Variants in XPNPEP1 observed in about 807,000 individuals in gnomAD.
XPNPEP1 encodes the protein X-prolyl aminopeptidase 1, also known as xaa-Pro aminopeptidase 1.
A neutral mutation model predicts 92.4 loss-of-function variants in XPNPEP1; 39 were observed. That is an observed-to-expected ratio of 0.42 (90% CI 0.33 to 0.55). The LOEUF is 0.55. Ranked by LOEUF, XPNPEP1 falls within the 20% of genes least tolerant of loss-of-function variation. XPNPEP1 has a pLI of 0.08. For synonymous variants in XPNPEP1, 307 were observed against 299.4 expected, an observed-to-expected ratio of 1.03 and a Z score of -0.26; for missense variants, 654 against 856.1, an observed-to-expected ratio of 0.76 and a Z score of 2.95.
intron 13 of XPNPEP1, 48 bp from the exon 14 acceptor site, chr10:109,877,915 G>A (rs1847872898): frequency 6.2e-7 from 1 of 1,614,088 alleles, no homozygotes; most frequent in African/African-American, 1.3e-5. Flanking sequence ...TTTTTACTGT[G>A]CTAAGATTCA....
chr10:109,904,012 T>C (rs1025529706), intron 3 of XPNPEP1, among the ~76,000 whole-genome samples: 1 of 150,988 alleles, frequency 6.6e-6, no homozygotes, highest in African/African-American at 2.4e-5. Flanking sequence ...GCCCAGCTAA[T>C]TTTTGTATTT....
intron 11 of XPNPEP1, among the ~76,000 whole-genome samples, chr10:109,880,618 T>C (rs1033804236): frequency 6.6e-6 from 1 of 152,230 alleles, no homozygotes; most frequent in Non-Finnish European, 1.5e-5. Flanking sequence ...TCATCTACAC[T>C]GTGAACATCA....
chr10:109,920,803 C>T (rs1408712159), intron 1 of XPNPEP1, among the ~76,000 whole-genome samples: 1 of 152,148 alleles, frequency 6.6e-6, no homozygotes, highest in Non-Finnish European at 1.5e-5. Flanking sequence ...ACCTCAGCCT[C>T]CCAAAGTGCT....
chr10:109,898,882 G>A (rs1157524097), intron 3 of XPNPEP1, among the ~76,000 whole-genome samples: 1 of 152,200 alleles, frequency 6.6e-6, no homozygotes, highest in Non-Finnish European at 1.5e-5. Context: ...ACAGCTGACT[G>A]CCAAGATAAG....
Position 109,865,108 on chromosome 10 carries a change from GA to G in XPNPEP1, c.*75del. 6.3e-7 allele frequency: 1 copy of G among 1,593,412 alleles called. No individual in the cohort carries two copies. The highest frequency in any genetic ancestry group is 8.6e-7 in the Non-Finnish European group (1 of 1,165,516). Reference sequence around the variant, plus strand: ...GGTAGGGAAGAAGGAAAGGAAAGGGGAAAGATGTCAGGGATCTGCCACGTTT... The same window carrying G: ...GGTAGGGAAGAAGGAAAGGAAAGGGGAAGATGTCAGGGATCTGCCACGTTT... On this transcript the variant is annotated 3_prime_UTR_variant, in exon 21 of 21. Coordinates refer to ENST00000502935, the MANE Select transcript of XPNPEP1 (RefSeq NM_020383.4).
chr10:109,895,291 C>T (rs910367622), intron 3 of XPNPEP1, among the ~76,000 whole-genome samples: 6 of 152,156 alleles, frequency 3.9e-5, no homozygotes, highest in African/African-American at 9.7e-5. Context: ...GGTCTGAGCC[C>T]GGCTGGACTC....
chr10:109,923,046 G>A (rs1424553122), intron 1 of XPNPEP1, among the ~76,000 whole-genome samples: 1 of 152,176 alleles, frequency 6.6e-6, no homozygotes, highest in Non-Finnish European at 1.5e-5. Flanking sequence ...CACCTCCCCG[G>A]ACACGAAGAG....
rs537036511 is a variant in XPNPEP1, at chr10:109,878,124, G to A, written c.1183-66C>T. 5.4e-5 allele frequency: 86 copies of A among 1,583,110 alleles called. No homozygotes were observed. In the African/African-American group the frequency reaches 1.0e-3, roughly 19 times the overall value. On this transcript the variant is annotated intron_variant, in intron 12 of 20. Transcript: ENST00000502935. ...TCATGTGTGCCTCTTACAAATTAGA[G>A]GAGGTACATTAAAAGCTCACTTTTT...
chr10:109,882,044 T>C (rs563797304), intron 10 of XPNPEP1, among the ~76,000 whole-genome samples: 81 of 152,242 alleles, frequency 5.3e-4, no homozygotes, highest in Non-Finnish European at 9.0e-4. Context: ...GCTGTACCCT[T>C]ATTCACTTAG....
At position 109,870,738 on chromosome 10, in the gene XPNPEP1, G is replaced by A. The variant is rs367876600; in HGVS notation, c.1689C>T (p.Val563=). The change falls in exon 18 of 21, where the codon GTC becomes GTT. Residue 563 remains valine (V), a synonymous_variant. Transcript: ENST00000502935. ...TATGTGAGGGACACTTACCATCAGTGACAATCATGCCTGCCTCCAAGGGCT... is the reference window on the plus strand; with the variant it reads ...TATGTGAGGGACACTTACCATCAGTAACAATCATGCCTGCCTCCAAGGGCT... ...SDEPLEAGMI[V]TDEPGYYEDG... 1.1e-5 allele frequency: 17 copies of A among 1,614,030 alleles called. No individual in the cohort carries two copies. In the African/African-American group the frequency reaches 1.2e-4, roughly 11 times the overall value.
At chr10:109,880,712 TG>T in intron 11 of XPNPEP1, 129 bp downstream of exon 11, 1 of 792,914 alleles carries the variant, frequency 1.3e-6, no homozygotes. Flanking sequence ...TAACTCCTCC[TG>T]GAAGGCCAGG....
Position 109,891,838 on chromosome 10 carries a change from G to GA in XPNPEP1, c.311-13dup. 1 of 1,606,216 alleles carries GA rather than the reference G, an allele frequency of 6.2e-7. No homozygotes were observed. The highest frequency in any genetic ancestry group is 1.7e-5 in the Admixed American group (1 of 58,374). Reference sequence around the variant, plus strand: ...GATGATGGCTGTGCCTGAAGCAGGGGAGAAAAAAAAAAGAAGAAGAAAGGT... The same window carrying GA: ...GATGATGGCTGTGCCTGAAGCAGGGGAAGAAAAAAAAAAGAAGAAGAAAGGT... On this transcript the variant is annotated splice_polypyrimidine_tract_variant and intron_variant, in intron 4 of 20. Coordinates refer to ENST00000502935, the MANE Select transcript of XPNPEP1 (RefSeq NM_020383.4).
intron 17 of XPNPEP1, 69 bp from the exon 18 acceptor site, chr10:109,870,973 G>C (rs612155): frequency 0.56 from 861,016 of 1,524,778 alleles, 250,990 homozygotes; most frequent in Non-Finnish European, 0.61. Flanking sequence ...ATTATGTGTG[G>C]CTCCAGAACG....
chr10:109,888,068 T>A lies in XPNPEP1; in HGVS notation c.633A>T (p.Thr211=). The A allele has an allele frequency of 6.2e-7, 1 of 1,614,050 alleles. No individual in the cohort carries two copies. The highest frequency in any genetic ancestry group is 8.5e-7 in the Non-Finnish European group (1 of 1,180,024). ...TCTGACCTGTGTAATCCAGGCCCAGTGTGAGGAGAGGCTTGCAAGGGCGCT... is the reference window on the plus strand; with the variant it reads ...TCTGACCTGTGTAATCCAGGCCCAGAGTGAGGAGAGGCTTGCAAGGGCGCT... ...RPERPCKPLL[T]LGLDYTGISW... Residue 211 remains threonine (T), a synonymous_variant, in exon 7 of 21, where the codon ACA becomes ACT. Coordinates refer to ENST00000502935, the MANE Select transcript of XPNPEP1 (RefSeq NM_020383.4).
At position 109,917,895 on chromosome 10, in the gene XPNPEP1, G is replaced by A. The variant is rs202082070; in HGVS notation, c.33-2796C>T. Reference sequence around the variant, plus strand: ...TTCCACAAATGGTGCTGGGACAAGTGAATATCCACATGCAAAAGAATAAAG... The same window carrying A: ...TTCCACAAATGGTGCTGGGACAAGTAAATATCCACATGCAAAAGAATAAAG... On this transcript the variant is annotated intron_variant, in intron 1 of 20. Coordinates refer to ENST00000502935, the MANE Select transcript of XPNPEP1 (RefSeq NM_020383.4). Among the ~76,000 whole-genome samples the A allele has an allele frequency of 8.5e-5, 13 of 152,256 alleles. No individual in the cohort carries two copies. The East Asian group carries it at 2.5e-3, about 29-fold the overall frequency.
At chr10:109,923,241 C>G (rs757850475) in intron 1 of XPNPEP1, 161 bp downstream of exon 1, 18 of 985,354 alleles carry the variant, frequency 1.8e-5, no homozygotes, top group Non-Finnish European at 2.2e-5. Context: ...ACCCCTTCCC[C>G]CGGCTCCTGT....
Position 109,891,814 on chromosome 10 carries a change from ATG to A in XPNPEP1, c.321_322del (p.Ile108HisfsTer10). On this transcript the variant is annotated frameshift_variant, in exon 5 of 21. Transcript: ENST00000502935. LOFTEE classifies it high-confidence loss of function. ...CCACATGGCTGCATGCTCTTCTGTGATGATGGCTGTGCCTGAAGCAGGGGAGA... is the reference window on the plus strand; with the variant it reads ...CCACATGGCTGCATGCTCTTCTGTGAATGGCTGTGCCTGAAGCAGGGGAGA... 1 of 1,611,286 alleles carries A rather than the reference ATG, an allele frequency of 6.2e-7. No individual in the cohort carries two copies. The highest frequency in any genetic ancestry group is 8.5e-7 in the Non-Finnish European group (1 of 1,179,184).
At position 109,883,972 on chromosome 10, in the gene XPNPEP1, T is replaced by C. The variant is rs1848247893; in HGVS notation, c.830+95A>G. The C allele has an allele frequency of 3.5e-5, 37 of 1,056,916 alleles. 1 individual carries two copies. The South Asian group carries it at 6.0e-4, about 17-fold the overall frequency. 65.5% of individuals were successfully genotyped at this position (1,056,916 alleles called of 1,614,324 possible). A position where few individuals can be genotyped will look rare whatever the true frequency, so the allele number is the denominator to read the frequency against. On this transcript the variant is annotated intron_variant, in intron 9 of 20. Transcript: ENST00000502935. ...AGAAAAAAGAAGCACATCAGTGAAA[T>C]ATCAGGCAGTGATGGGTGGGCCAGG...
intron 3 of XPNPEP1, among the ~76,000 whole-genome samples, chr10:109,898,899 T>G (rs1015443147): frequency 1.3e-5 from 2 of 152,206 alleles, no homozygotes; most frequent in African/African-American, 4.8e-5. Flanking sequence ...TAAGCATGAC[T>G]AAAGTTACTA....
Sources: gnomAD v4.1 joint callset for allele counts (sites outside exome capture counted in the v4.1 genomes callset) on GRCh38, gnomAD v4.1.1 for gene constraint, MANE v1.5 for transcripts, NCBI Gene and HGNC (gene_info 2026-07-23, HGNC 2026-07-21) for gene names.